The following MERTK variants were observed in gnomAD, a reference collection of about 807,000 sequenced individuals.
MERTK encodes MER proto-oncogene, tyrosine kinase.
In MERTK, 69 loss-of-function variants were observed where a neutral mutation model predicts 99.3. That is an observed-to-expected ratio of 0.70 (90% CI 0.57 to 0.85). The LOEUF (loss-of-function observed/expected upper bound fraction) is 0.85, where lower values mean the gene tolerates loss of function less well. Among genes scored for constraint, MERTK ranks in the 40% least tolerant of loss-of-function variants. MERTK has a pLI of 0.00. For synonymous variants in MERTK, 426 were observed against 467.6 expected, an observed-to-expected ratio of 0.91 and a Z score of 1.15; for missense variants, 1,125 against 1,249.4, an observed-to-expected ratio of 0.90 and a Z score of 1.50.
At chr2:112,002,830 G>A (rs148894118) in intron 11 of MERTK, among the ~76,000 whole-genome samples, 1,553 of 152,222 alleles carry the variant, frequency 0.01, 29 homozygotes, top group African/African-American at 0.036. Flanking sequence ...TAAATTAGCT[G>A]GGTGTGGTGG....
At chr2:111,997,918 G>T (rs1676786513) in intron 10 of MERTK, among the ~76,000 whole-genome samples, 1 of 152,200 alleles carries the variant, frequency 6.6e-6, no homozygotes, top group African/African-American at 2.4e-5. Context: ...TGGGCATGAT[G>T]GCACACGCCT....
At chr2:111,919,244 A>T (rs1351692032) in intron 1 of MERTK, among the ~76,000 whole-genome samples, 1 of 151,668 alleles carries the variant, frequency 6.6e-6, no homozygotes. Flanking sequence ...AGTGCCCCCC[A>T]TCCCTGGCCT....
rs1243993742 is a variant in MERTK at position 111,920,768 on chromosome 2, C to G, written c.62-8352C>G. On this transcript the variant is annotated intron_variant, in intron 1 of 18. Transcript: ENST00000295408. ...TCCCGGGTTCAAGCAATTCTCCCTG[C>G]CTCACCCTCCCGAGTAGCTGGGATT... Among the ~76,000 whole-genome samples, 6 of 152,246 alleles carry G rather than the reference C, an allele frequency of 3.9e-5. No homozygotes were observed. The South Asian group carries it at 6.2e-4, about 16-fold the overall frequency.
intron 4 of MERTK, among the ~76,000 whole-genome samples, chr2:111,951,940 ATC>A (rs1486291271): frequency 1.3e-5 from 2 of 152,124 alleles, no homozygotes; most frequent in African/African-American, 2.4e-5. Context: ...AAATCTGTCC[ATC>A]TCTGTTTGTC....
chr2:111,930,840 C>T (rs1009444779), intron 2 of MERTK, among the ~76,000 whole-genome samples: 51 of 152,312 alleles, frequency 3.3e-4, no homozygotes, highest in African/African-American at 1.1e-3. Context: ...TTGTATTCTC[C>T]ACTCTTTCCT....
At chr2:111,962,830 A>G (rs1313683119) in intron 4 of MERTK, among the ~76,000 whole-genome samples, 2 of 152,158 alleles carry the variant, frequency 1.3e-5, no homozygotes, top group Non-Finnish European at 2.9e-5. Flanking sequence ...CTTGTTTTGA[A>G]TGACCTTGAC....
chr2:111,974,703 A>G (rs1245063990), intron 6 of MERTK, among the ~76,000 whole-genome samples: 2 of 124,702 alleles, frequency 1.6e-5, no homozygotes, highest in Non-Finnish European at 3.2e-5. Flanking sequence ...CGGGAGGCGG[A>G]GGTTGCAGTG....
chr2:111,964,675 A>G (rs910361174), intron 4 of MERTK, among the ~76,000 whole-genome samples: 2 of 152,186 alleles, frequency 1.3e-5, no homozygotes, highest in Non-Finnish European at 2.9e-5. Context: ...GATTAGTTAT[A>G]ACGCCTTGCA....
chr2:112,001,786 A>G (rs1458281629), intron 11 of MERTK, among the ~76,000 whole-genome samples: 1 of 152,212 alleles, frequency 6.6e-6, no homozygotes, highest in Non-Finnish European at 1.5e-5. Flanking sequence ...AAAAGTATAG[A>G]AAGGACATGC....
At chr2:111,950,530 C>A (rs72825607) in intron 4 of MERTK, among the ~76,000 whole-genome samples, 2,189 of 152,294 alleles carry the variant, frequency 0.014, 23 homozygotes, top group Non-Finnish European at 0.023. Flanking sequence ...TGAGAGAGTT[C>A]CAGTTGCTCA....
At chr2:111,944,244 G>C (rs1684916138) in intron 2 of MERTK, among the ~76,000 whole-genome samples, 1 of 147,376 alleles carries the variant, frequency 6.8e-6, no homozygotes, top group Admixed American at 6.9e-5. Context: ...ATGTTGCAGT[G>C]AGCTGAGATC....
chr2:111,947,353 T>G (rs983835076), intron 3 of MERTK, 41 bp from the exon 4 acceptor site: 1 of 1,612,444 alleles, frequency 6.2e-7, no homozygotes, highest in Non-Finnish European at 8.5e-7. Context: ...GTCTCTGTTT[T>G]CAGATCTGAA....
At chr2:111,932,070 C>T (rs72823496) in intron 2 of MERTK, among the ~76,000 whole-genome samples, 3,187 of 152,238 alleles carry the variant, frequency 0.021, 57 homozygotes, top group Middle Eastern at 0.068. Context: ...AGAATTTATT[C>T]TACTGTGTGT....
chr2:111,944,537 C>CTGTTTTAAGGAATTATTCCTG (rs1558781453), intron 2 of MERTK, among the ~76,000 whole-genome samples: 1 of 151,830 alleles, frequency 6.6e-6, no homozygotes, highest in African/African-American at 2.4e-5. Context: ...GGAATTAGCT[C>CTGTTTTAAGGAATTATTCCTG]ACACACAGTG....
chr2:111,965,007 T>C (rs1685333759), intron 4 of MERTK, among the ~76,000 whole-genome samples, 184 bp from the exon 5 acceptor site: 2 of 152,242 alleles, frequency 1.3e-5, no homozygotes, highest in Admixed American at 6.5e-5. Context: ...TACCTTGCTC[T>C]TGGTGCCTTG....
intron 2 of MERTK, among the ~76,000 whole-genome samples, chr2:111,942,149 G>A (rs938618519): frequency 5.8e-4 from 88 of 152,264 alleles, no homozygotes; most frequent in African/African-American, 1.9e-3. Flanking sequence ...TGCCACTCCC[G>A]GGTCCCAGAC....
chr2:111,911,450 G>A (rs540669348), intron 1 of MERTK, among the ~76,000 whole-genome samples: 10 of 151,816 alleles, frequency 6.6e-5, no homozygotes, highest in Non-Finnish European at 1.2e-4. Flanking sequence ...GTGCAATGGC[G>A]CTATCTCAGC....
At chr2:111,977,992 A>G (rs1186021862) in intron 7 of MERTK, among the ~76,000 whole-genome samples, 1 of 151,958 alleles carries the variant, frequency 6.6e-6, no homozygotes, top group Non-Finnish European at 1.5e-5. Flanking sequence ...CACAGGCTGG[A>G]GTGCAGCGCC....
intron 15 of MERTK, among the ~76,000 whole-genome samples, chr2:112,014,075 G>T (rs912950422): frequency 1.3e-5 from 2 of 149,118 alleles, no homozygotes; most frequent in Non-Finnish European, 3.0e-5. Context: ...AGGCTGGAGT[G>T]CAGTGGCGTG....
Sources: gnomAD v4.1 joint callset for allele counts (sites outside exome capture counted in the v4.1 genomes callset) on GRCh38, gnomAD v4.1.1 for gene constraint, MANE v1.5 for transcripts, NCBI Gene and HGNC (gene_info 2026-07-23, HGNC 2026-07-21) for gene names.